ATXN8OS: variants seen among roughly 807,000 people sequenced by gnomAD.
ATXN8OS encodes the protein ATXN8 opposite strand lncRNA.
intron 4 of ATXN8OS, among the ~76,000 whole-genome samples, chr13:70,151,983 A>G (rs1003821281): frequency 2.0e-5 from 3 of 152,152 alleles, no homozygotes; most frequent in Admixed American, 1.3e-4. Flanking sequence ...CTTAGCATAC[A>G]TTTTATAGTC....
At chr13:70,143,477 C>T (rs915748563) in intron 3 of ATXN8OS, among the ~76,000 whole-genome samples, 1 of 152,114 alleles carries the variant, frequency 6.6e-6, no homozygotes, top group Non-Finnish European at 1.5e-5. Flanking sequence ...GTGCTCACGT[C>T]AAATGAAAAT....
chr13:70,163,879 A>G (rs1176698667), intron 4 of ATXN8OS, among the ~76,000 whole-genome samples: 1 of 149,644 alleles, frequency 6.7e-6, no homozygotes, highest in Non-Finnish European at 1.5e-5. Flanking sequence ...ACTCAAGGGA[A>G]ATCATGGTTT....
At chr13:70,112,851 T>C (rs1025823) in intron 1 of ATXN8OS, among the ~76,000 whole-genome samples, 36,937 of 150,212 alleles carry the variant, frequency 0.25, 4,705 homozygotes, top group Admixed American at 0.29. Flanking sequence ...TTTATGAACA[T>C]TCATTATTTT....
chr13:70,137,675 A>C (rs921318648), intron 3 of ATXN8OS, among the ~76,000 whole-genome samples: 2 of 152,164 alleles, frequency 1.3e-5, no homozygotes, highest in Non-Finnish European at 2.9e-5. Context: ...CTGGCTCCAG[A>C]TCATTTTAAA....
intron 2 of ATXN8OS, among the ~76,000 whole-genome samples, chr13:70,123,564 T>G (rs1888390155): frequency 6.6e-6 from 1 of 152,108 alleles, no homozygotes; most frequent in Non-Finnish European, 1.5e-5. Flanking sequence ...TCTGCTAAAC[T>G]TAGAAAAGAT....
At chr13:70,139,339 G>C (rs1888662812) in intron 3 of ATXN8OS, 2 of 638,982 alleles carry the variant, frequency 3.1e-6, no homozygotes, top group Non-Finnish European at 5.3e-6. Flanking sequence ...CTTCATGTTA[G>C]AAAACCTGGC....
chr13:70,127,749 C>CGT (rs199804438), intron 2 of ATXN8OS, among the ~76,000 whole-genome samples: 28 of 66,618 alleles, frequency 4.2e-4, no homozygotes, highest in African/African-American at 1.2e-3. Flanking sequence ...AATCATTAAT[C>CGT]ATGTTATTAA....
chr13:70,144,310 G>A (rs908260936), intron 3 of ATXN8OS, among the ~76,000 whole-genome samples: 7 of 151,946 alleles, frequency 4.6e-5, no homozygotes, highest in East Asian at 1.9e-4. Flanking sequence ...CCCTCTTTGC[G>A]TGACCTGTAA....
exon 5 of ATXN8OS, among the ~76,000 whole-genome samples, chr13:70,170,953 T>C (rs2137510608): frequency 6.6e-6 from 1 of 152,166 alleles, no homozygotes; most frequent in East Asian, 1.9e-4. Context: ...TCTAAACGTA[T>C]GTAAACATAG....
At chr13:70,140,814 A>G (rs1888704230) in intron 3 of ATXN8OS, among the ~76,000 whole-genome samples, 1 of 152,106 alleles carries the variant, frequency 6.6e-6, no homozygotes, top group Admixed American at 6.6e-5. Flanking sequence ...AAGAAAAAAA[A>G]AAGACACTGA....
At chr13:70,112,920 A>ATATTTTTTTT (rs1555298511) in intron 1 of ATXN8OS, among the ~76,000 whole-genome samples, 1 of 87,590 alleles carries the variant, frequency 1.1e-5, no homozygotes, top group Non-Finnish European at 2.2e-5. Context: ...TATATATATA[A>ATATTTTTTTT]TTTTTTTTTT....
chr13:70,154,244 C>T (rs1888908555), intron 4 of ATXN8OS, among the ~76,000 whole-genome samples: 1 of 152,150 alleles, frequency 6.6e-6, no homozygotes, highest in South Asian at 2.1e-4. Context: ...ATGTCAATCA[C>T]AAGTAGAATC....
chr13:70,125,483 G>A (rs1211448195), intron 2 of ATXN8OS, among the ~76,000 whole-genome samples: 1 of 152,092 alleles, frequency 6.6e-6, no homozygotes, highest in African/African-American at 2.4e-5. Flanking sequence ...TATTCAATGG[G>A]TACTCAAATT....
exon 5 of ATXN8OS, among the ~76,000 whole-genome samples, chr13:70,170,930 G>C (rs2137510592): frequency 6.6e-6 from 1 of 152,158 alleles, no homozygotes; most frequent in South Asian, 2.1e-4. Flanking sequence ...ACACAATGGT[G>C]ACTGTATGTG....
chr13:70,107,576 C>T (rs370644626), upstream of ATXN8OS: 23 of 1,604,988 alleles, frequency 1.4e-5, no homozygotes, highest in South Asian at 1.2e-4. Flanking sequence ...CTGCCACTGC[C>T]GTCCTGTTGC....
At chr13:70,115,371 G>T (rs1418623762) in intron 2 of ATXN8OS, 3 of 397,002 alleles carry the variant, frequency 7.6e-6, no homozygotes, top group Non-Finnish European at 1.3e-5. Flanking sequence ...CCTCCCAAAA[G>T]GCTCACTTCC....
chr13:70,145,398 G>T (rs1210061244), intron 3 of ATXN8OS, among the ~76,000 whole-genome samples: 1 of 151,776 alleles, frequency 6.6e-6, no homozygotes, highest in South Asian at 2.1e-4. Flanking sequence ...AAAGTCATTG[G>T]TAGCTTGATG....
intron 3 of ATXN8OS, among the ~76,000 whole-genome samples, chr13:70,146,147 A>C (rs1166349996): frequency 1.3e-5 from 2 of 150,550 alleles, no homozygotes; most frequent in Non-Finnish European, 3.0e-5. Flanking sequence ...TATGCAGCCA[A>C]AAAACACATG....
At chr13:70,163,700 G>A (rs889125509) in intron 4 of ATXN8OS, among the ~76,000 whole-genome samples, 5 of 151,518 alleles carry the variant, frequency 3.3e-5, no homozygotes, top group African/African-American at 1.2e-4. Context: ...GAGATTTGAG[G>A]CTATTTTTTA....
Sources: allele counts gnomAD v4.1 joint callset (sites outside exome capture counted in the v4.1 genomes callset), GRCh38; gene constraint gnomAD v4.1.1; transcripts MANE v1.5; gene names NCBI Gene and HGNC (gene_info 2026-07-23, HGNC 2026-07-21).